Variants in AGGF1 observed in about 807,000 individuals in gnomAD.
AGGF1 encodes the protein angiogenic factor with G patch and FHA domains 1.
AGGF1 carries 56 observed loss-of-function variants against 86.5 expected under a neutral mutation model. That is an observed-to-expected ratio of 0.65 (90% CI 0.52 to 0.81). AGGF1 has a LOEUF of 0.81. Ranked by LOEUF, AGGF1 falls within the 30% of genes least tolerant of loss-of-function variation. The pLI is 0.00. For synonymous variants in AGGF1, 313 were observed against 297.1 expected (o/e 1.05, Z -0.55); for missense variants, 816 against 850.9 (o/e 0.96, Z 0.51).
chr5:77,040,571 C>T (rs1032147757), intron 5 of AGGF1, among the ~76,000 whole-genome samples: 3 of 152,012 alleles, frequency 2.0e-5, no homozygotes, highest in African/African-American at 7.3e-5. Context: ...TCAGATGGTA[C>T]TTGTAAAGAC....
At chr5:77,052,307 C>T (rs1747384002) in intron 8 of AGGF1, among the ~76,000 whole-genome samples, 1 of 151,746 alleles carries the variant, frequency 6.6e-6, no homozygotes, top group African/African-American at 2.4e-5. Context: ...AAGCGGTGAT[C>T]ACACCACTGC....
chr5:77,043,003 G>A (rs1747150470), intron 5 of AGGF1, among the ~76,000 whole-genome samples: 1 of 79,584 alleles, frequency 1.3e-5, no homozygotes, highest in Non-Finnish European at 2.8e-5. Flanking sequence ...GGCCGGGCGG[G>A]GGGCCGACCC....
chr5:77,060,067 C>T (rs568111023), intron 12 of AGGF1, among the ~76,000 whole-genome samples: 80 of 152,330 alleles, frequency 5.3e-4, no homozygotes, highest in Non-Finnish European at 1.0e-3. Context: ...TGGTCTTGAA[C>T]TCCTGACCTC....
chr5:77,033,418 C>T (rs1746908476), intron 1 of AGGF1, among the ~76,000 whole-genome samples: 1 of 152,158 alleles, frequency 6.6e-6, no homozygotes, highest in Non-Finnish European at 1.5e-5. Flanking sequence ...TAGTGCCCAG[C>T]ATGTAGTAGA....
intron 5 of AGGF1, among the ~76,000 whole-genome samples, chr5:77,040,971 G>A (rs1439357910): frequency 1.3e-5 from 2 of 151,964 alleles, no homozygotes; most frequent in Non-Finnish European, 2.9e-5. Flanking sequence ...CAAGTGATCT[G>A]CCTACCTCAG....
chr5:77,049,042 T>C lies in AGGF1; in HGVS notation c.1365+55T>C. On this transcript the variant is annotated intron_variant, in intron 8 of 13. Transcript: ENST00000312916. ...CCCTAGATGTAATTTTTTATATTAT[T>C]ATTACAGTAGAAAGCTTAGGGATTT... is the stretch of plus-strand genomic sequence containing the variant. 2.6e-6 allele frequency: 4 copies of C among 1,535,406 alleles called. No homozygotes were observed. The South Asian group carries it at 4.5e-5, about 17-fold the overall frequency.
chr5:77,045,725 C>T (rs72765109), intron 5 of AGGF1, among the ~76,000 whole-genome samples: 23,838 of 152,062 alleles, frequency 0.16, 2,551 homozygotes, highest in Non-Finnish European at 0.21. Context: ...AATTGATTAC[C>T]AGTTTAAAAA....
rs1747515790 is a variant in AGGF1 at position 77,059,487 on chromosome 5, T to A, written c.1717-129T>A. ...ATGAGCCACCTGTAATTTCTTCATA[T>A]CATAGCTTGTTTTATTTCATTGTTT... On this transcript the variant is annotated intron_variant, in intron 11 of 13. Coordinates refer to ENST00000312916, the MANE Select transcript of AGGF1 (RefSeq NM_018046.5). 12 of 886,694 alleles carry A rather than the reference T, an allele frequency of 1.4e-5. No homozygotes were observed. In the South Asian group the frequency reaches 1.4e-4, roughly 10 times the overall value. 54.9% of individuals were successfully genotyped at this position (886,694 alleles called of 1,614,324 possible).
intron 1 of AGGF1, among the ~76,000 whole-genome samples, chr5:77,033,215 G>A (rs868734768): frequency 3.3e-5 from 5 of 152,312 alleles, no homozygotes; most frequent in South Asian, 2.1e-4. Flanking sequence ...TTTATTTGGA[G>A]CAGTTAAAAA....
intron 10 of AGGF1, 61 bp downstream of exon 10, chr5:77,054,191 T>C: frequency 2.5e-6 from 4 of 1,596,870 alleles, no homozygotes; most frequent in East Asian, 4.5e-5. Context: ...CTAAATGTTC[T>C]AAAAAACATC....
In AGGF1 at chr5:77,039,631, A is replaced by G. The variant is rs758637282; in HGVS notation, c.782A>G (p.Tyr261Cys). The G allele has an allele frequency of 4.3e-6, 7 of 1,613,262 alleles. No individual in the cohort carries two copies. The East Asian group carries it at 8.9e-5, about 21-fold the overall frequency. Residue 261 changes from tyrosine to cysteine, a missense_variant, in exon 5 of 14, where the codon TAT (tyrosine) becomes TGT (cysteine). Physicochemically the swap from Tyr to Cys is radical, Grantham distance 194 (BLOSUM62 -2). This residue lies in a region of AGGF1 where 565 missense variants were observed against 585.8 expected (regional missense o/e 0.96). Coordinates refer to ENST00000312916, the MANE Select transcript of AGGF1 (RefSeq NM_018046.5). ...CATTCTCGAGTAGATTTGCAACCTT[A>G]TCCGACTTCTAGCACAAAACAAAGT... ...QFHSRVDLQP[Y>C]PTSSTKQSKD...
intron 5 of AGGF1, among the ~76,000 whole-genome samples, chr5:77,043,798 G>T (rs1747190779): frequency 8.3e-6 from 1 of 120,810 alleles, no homozygotes; most frequent in Non-Finnish European, 1.9e-5. Context: ...CAGCTGCCGG[G>T]CGGAGGGGCT....
At position 77,034,445 on chromosome 5, in the gene AGGF1, C is replaced by T. The variant is rs762216752; in HGVS notation, c.238C>T (p.Arg80Cys). 8.7e-6 allele frequency: 14 copies of T among 1,612,992 alleles called. No homozygotes were observed. Among genetic ancestry groups the T allele is most frequent in the Admixed American group, 5.0e-5 (3 of 60,010 alleles). ...GGAAGAACTCAGTAAAATACTCCAA[C>T]GTGGGAGAAATGAAGATAATAAAAA... Reference protein sequence around the residue: ...QVEELSKILQRGRNEDNKKSD... With the variant: ...QVEELSKILQCGRNEDNKKSD... The change falls in exon 2 of 14, where the codon CGT becomes TGT. Residue 80 changes from arginine (R) to cysteine (C), a missense_variant. Coordinates refer to ENST00000312916, the MANE Select transcript of AGGF1 (RefSeq NM_018046.5).
At chr5:77,039,404 T>A in intron 4 of AGGF1, 127 bp from the exon 5 acceptor site, 1 of 725,654 alleles carries the variant, frequency 1.4e-6, no homozygotes. Context: ...TATCTTTAAT[T>A]CATTGTCTTC....
intron 2 of AGGF1, among the ~76,000 whole-genome samples, chr5:77,035,097 G>A (rs968030243): frequency 2.0e-5 from 3 of 152,206 alleles, no homozygotes; most frequent in South Asian, 2.1e-4. Flanking sequence ...TGCATGATAC[G>A]TTTTAAAAAG....
At position 77,030,781 on chromosome 5, in the gene AGGF1, G is replaced by A; in HGVS notation, c.15G>A (p.Ala5=). 1 of 1,580,534 alleles carries A rather than the reference G, an allele frequency of 6.3e-7. No individual in the cohort carries two copies. The change falls in exon 1 of 14, where the codon GCG becomes GCA. Residue 5 remains alanine, a synonymous_variant. Transcript: ENST00000312916. ...CGCCGGAGCTCATGGCCTCGGAGGC[G>A]CCGTCCCCGCCGCGGTCGCCGCCGC... MASE[A]PSPPRSPPPP...
chr5:77,035,693 A>T lies in AGGF1; in HGVS notation c.466A>T (p.Thr156Ser). Residue 156 changes from threonine to serine, a missense_variant, in exon 3 of 14, where the codon ACA becomes TCA. Transcript: ENST00000312916. The part of the protein sequence containing the change: ...ENDAYPGTDR[T>S]ENVKYRQVDH... Reference sequence around the variant, plus strand: ...TGATGCTTACCCTGGTACCGATAGAACAGAAAATGTTAAATATAGACAAGT... The same window carrying T: ...TGATGCTTACCCTGGTACCGATAGATCAGAAAATGTTAAATATAGACAAGT... The T allele has an allele frequency of 6.2e-7, 1 of 1,613,704 alleles. No individual in the cohort carries two copies. Among genetic ancestry groups the T allele is most frequent in the Non-Finnish European group, 8.5e-7 (1 of 1,179,754 alleles).
intron 10 of AGGF1, among the ~76,000 whole-genome samples, chr5:77,054,571 A>G (rs979965856): frequency 6.6e-6 from 1 of 152,202 alleles, no homozygotes; most frequent in Non-Finnish European, 1.5e-5. Context: ...AAGAGAGTAG[A>G]TTTTAAGTGT....
chr5:77,059,370 G>A (rs1747512896), intron 11 of AGGF1, among the ~76,000 whole-genome samples: 1 of 152,068 alleles, frequency 6.6e-6, no homozygotes, highest in African/African-American at 2.4e-5. Flanking sequence ...AAGTAGAGAT[G>A]GGGGTCTTGC....
Sources: gnomAD v4.1 joint callset for allele counts (sites outside exome capture counted in the v4.1 genomes callset) on GRCh38, gnomAD v4.1.1 for gene constraint, gnomAD v4.1.1 regional missense constraint, MANE v1.5 for transcripts, NCBI Gene and HGNC (gene_info 2026-07-23, HGNC 2026-07-21) for gene names.